GLYAT: variants seen among roughly 807,000 people sequenced by gnomAD.
GLYAT encodes the protein glycine N-acyltransferase.
A neutral mutation model predicts 22.8 loss-of-function variants in GLYAT; 25 were observed. The observed-to-expected ratio is 1.09, with a 90% CI of 0.80 to 1.53. The LOEUF is 1.53. Ranked by LOEUF, GLYAT falls within the 40% of genes most tolerant of loss-of-function variation. The pLI, the probability that GLYAT is intolerant of heterozygous loss-of-function variation, is 0.00. For missense variants in GLYAT, 411 were observed against 353.9 expected, an observed-to-expected ratio of 1.16 and a Z score of -1.29; for synonymous variants, 140 against 122.7, an observed-to-expected ratio of 1.14 and a Z score of -0.93.
At chr11:58,711,236 T>C (rs554229206) in intron 4 of GLYAT, among the ~76,000 whole-genome samples, 1 of 152,300 alleles carries the variant, frequency 6.6e-6, no homozygotes, top group South Asian at 2.1e-4. Context: ...TTATCTCTTT[T>C]AAAAGGTTTT....
At chr11:58,715,522 C>A in intron 2 of GLYAT, 99 bp from the exon 3 acceptor site, 1 of 641,014 alleles carries the variant, frequency 1.6e-6, no homozygotes, top group Non-Finnish European at 2.8e-6. Flanking sequence ...AAAATCATGA[C>A]ATTTTATGAT....
At chr11:58,729,497 C>T (rs1167833604) in intron 1 of GLYAT, among the ~76,000 whole-genome samples, 1 of 152,100 alleles carries the variant, frequency 6.6e-6, no homozygotes, top group Non-Finnish European at 1.5e-5. Flanking sequence ...TTGAATTCTT[C>T]TGAGGCAGGA....
chr11:58,731,264 T>C (rs1244817403), intron 1 of GLYAT, among the ~76,000 whole-genome samples: 1 of 152,164 alleles, frequency 6.6e-6, no homozygotes, highest in Admixed American at 6.6e-5. Flanking sequence ...AAAATAGTAA[T>C]TTTTCTGGTG....
At chr11:58,717,686 C>T (rs1162917659) in intron 2 of GLYAT, among the ~76,000 whole-genome samples, 3 of 151,966 alleles carry the variant, frequency 2.0e-5, no homozygotes, top group Non-Finnish European at 4.4e-5. Flanking sequence ...AATCTAACAA[C>T]AGGTGTACTA....
rs191357499 is a variant in GLYAT, at chr11:58,721,485, A to G, written c.81+2931T>C. Among the ~76,000 whole-genome samples the G allele has an allele frequency of 8.5e-4, 130 of 152,180 alleles. 3 individuals carry two copies. The highest frequency in any genetic ancestry group is 2.9e-3 in the African/African-American group (121 of 41,562). ...CTGAGAAGGAAAACAAAACAAAACA[A>G]AAAAACTTTTGCTCGAAAATAGACA... On this transcript the variant is annotated intron_variant, in intron 2 of 5. Transcript: ENST00000344743.
rs749633371 is a variant in GLYAT at position 58,709,761 on chromosome 11, T to A, written c.*5A>T. On this transcript the variant is annotated 3_prime_UTR_variant, in exon 6 of 6. Coordinates refer to ENST00000344743, the MANE Select transcript of GLYAT (RefSeq NM_201648.3). Reference sequence around the variant, plus strand: ...CCCAACACTGTCTTATGTTCAGGATTGGCATCACAGAGGTACACAGTTCCA... The same window carrying A: ...CCCAACACTGTCTTATGTTCAGGATAGGCATCACAGAGGTACACAGTTCCA... 2.1e-5 allele frequency: 34 copies of A among 1,602,222 alleles called. No homozygotes were observed. Among genetic ancestry groups the A allele is most frequent in the Non-Finnish European group, 2.7e-5 (32 of 1,172,918 alleles).
Position 58,718,255 on chromosome 11 carries a change from A to C in GLYAT, c.82-2832T>G, listed in dbSNP as rs568669190. Among the ~76,000 whole-genome samples the C allele has an allele frequency of 3.0e-3, 464 of 152,190 alleles. 5 individuals are homozygous for C. Among genetic ancestry groups the C allele is most frequent in the Middle Eastern group, 0.02 (6 of 294 alleles). On this transcript the variant is annotated intron_variant, in intron 2 of 5. Coordinates refer to ENST00000344743, the MANE Select transcript of GLYAT (RefSeq NM_201648.3). ...AGTTAAGAATACTCACAATTTCCAA[A>C]TTCTGGAGAAGTGAGGTAGAGAGAA...
intron 5 of GLYAT, 34 bp from the exon 6 acceptor site, chr11:58,710,202 T>C (rs1201667728): frequency 1.3e-6 from 2 of 1,578,734 alleles, no homozygotes; most frequent in South Asian, 2.4e-5. Flanking sequence ...CAAAATCCAT[T>C]AGTATAAAGG....
chr11:58,712,855 T>C lies in GLYAT; in HGVS notation c.221A>G (p.Asn74Ser). 2 of 1,606,524 alleles carry C rather than the reference T, an allele frequency of 1.2e-6. No individual in the cohort carries two copies. The highest frequency in any genetic ancestry group is 1.1e-5 in the South Asian group (1 of 90,942). The change falls in exon 4 of 6, where the codon AAT becomes AGT. Residue 74 changes from asparagine to serine, a missense_variant. Transcript: ENST00000344743. ...DMTDDLDHYT[N>S]TYQIYSKDPQ... ...ATCTTTGGAGTAGATTTGGTAAGTA[T>C]TGGTATAGTGATCAAGGTCATCTGT...
At chr11:58,726,765 G>C (rs1199462865) in intron 1 of GLYAT, among the ~76,000 whole-genome samples, 1 of 152,096 alleles carries the variant, frequency 6.6e-6, no homozygotes, top group East Asian at 1.9e-4. Flanking sequence ...ATTGAAAAGG[G>C]AGTAGGAGTG....
chr11:58,710,575 T>G lies in GLYAT; in HGVS notation c.488+15A>C, dbSNP rs531450351. ...AGAGGTGTGAGTGGTATAGACTGGA[T>G]TTTATCAAACTCACATGGCCTTGGG... On this transcript the variant is annotated intron_variant, in intron 5 of 5. Transcript: ENST00000344743. 1 of 1,581,504 alleles carries G rather than the reference T, an allele frequency of 6.3e-7. No individual in the cohort carries two copies. The highest frequency in any genetic ancestry group is 1.7e-5 in the Admixed American group (1 of 59,984).
At chr11:58,731,343 T>G (rs751981510) in intron 1 of GLYAT, among the ~76,000 whole-genome samples, 1 of 152,178 alleles carries the variant, frequency 6.6e-6, no homozygotes, top group Non-Finnish European at 1.5e-5. Flanking sequence ...CTTTATTCAT[T>G]TATTAGTCGA....
At chr11:58,726,234 G>T (rs553202327) in intron 1 of GLYAT, among the ~76,000 whole-genome samples, 2 of 152,196 alleles carry the variant, frequency 1.3e-5, no homozygotes, top group African/African-American at 4.8e-5. Context: ...ACTCATGCCT[G>T]ACTATCTACC....
intron 3 of GLYAT, 88 bp from the exon 4 acceptor site, chr11:58,712,974 A>T: frequency 1.2e-6 from 1 of 804,222 alleles, no homozygotes; most frequent in Non-Finnish European, 1.9e-6. Flanking sequence ...CTAAGTAATA[A>T]AATATTGGTA....
chr11:58,710,187 G>A lies in GLYAT; in HGVS notation c.489-19C>T. 6.3e-7 allele frequency: 1 copy of A among 1,592,444 alleles called. No individual in the cohort carries two copies. Among genetic ancestry groups the A allele is most frequent in the Non-Finnish European group, 8.6e-7 (1 of 1,169,196 alleles). Reference sequence around the variant, plus strand: ...TTGGTTGCTATGGAGGGTCCAAGAAGAAAACAAAATCCATTAGTATAAAGG... The same window carrying A: ...TTGGTTGCTATGGAGGGTCCAAGAAAAAAACAAAATCCATTAGTATAAAGG... On this transcript the variant is annotated intron_variant, in intron 5 of 5. Coordinates refer to ENST00000344743, the MANE Select transcript of GLYAT (RefSeq NM_201648.3).
intron 3 of GLYAT, among the ~76,000 whole-genome samples, 158 bp downstream of exon 3, chr11:58,715,158 C>G (rs1335580067): frequency 6.6e-6 from 1 of 152,090 alleles, no homozygotes; most frequent in Non-Finnish European, 1.5e-5. Flanking sequence ...ATTGGTTGAT[C>G]TATCTTGTCT....
chr11:58,723,433 C>A (rs1007865829), intron 2 of GLYAT, among the ~76,000 whole-genome samples: 2 of 152,014 alleles, frequency 1.3e-5, no homozygotes, highest in South Asian at 2.1e-4. Flanking sequence ...CTTGTTGTCT[C>A]AATGCATCTC....
At chr11:58,730,332 G>T (rs146857750) in intron 1 of GLYAT, among the ~76,000 whole-genome samples, 2 of 152,054 alleles carry the variant, frequency 1.3e-5, no homozygotes, top group South Asian at 4.2e-4. Context: ...AATTAGTTGG[G>T]TATGGTGACA....
intron 2 of GLYAT, among the ~76,000 whole-genome samples, chr11:58,722,024 A>C (rs988268276): frequency 8.5e-5 from 13 of 152,100 alleles, no homozygotes; most frequent in Non-Finnish European, 8.8e-5. Flanking sequence ...TTGTGTAAAA[A>C]GTAAAGTAGA....
Sources: gnomAD v4.1 joint callset for allele counts (sites outside exome capture counted in the v4.1 genomes callset) on GRCh38, gnomAD v4.1.1 for gene constraint, MANE v1.5 for transcripts, NCBI Gene and HGNC (gene_info 2026-07-23, HGNC 2026-07-21) for gene names.